The following CFAP99 variants were observed in gnomAD, a reference collection of about 807,000 sequenced individuals.
CFAP99 encodes cilia and flagella associated protein 99.
Under a neutral mutation model 82.7 loss-of-function variants are expected in CFAP99, and 84 were observed. That is an observed-to-expected ratio of 1.02 (90% CI 0.85 to 1.22). The LOEUF is 1.22. Among genes scored for constraint, CFAP99 ranks in the 50% most tolerant of loss-of-function variants. The probability of loss-of-function intolerance (pLI) is 0.00; values close to 1 mark genes in which losing one functional copy is unlikely to be tolerated. For synonymous variants in CFAP99, 456 were observed against 429.5 expected, an observed-to-expected ratio of 1.06 and a Z score of -0.76; for missense variants, 1,059 against 983.5, an observed-to-expected ratio of 1.08 and a Z score of -1.03.
At chr4:2,453,945 C>T (rs1365213266) in intron 11 of CFAP99, among the ~76,000 whole-genome samples, 1 of 151,308 alleles carries the variant, frequency 6.6e-6, no homozygotes, top group Non-Finnish European at 1.5e-5. Flanking sequence ...TCCTGAGTAG[C>T]TGGGACTACA....
intron 6 of CFAP99, among the ~76,000 whole-genome samples, chr4:2,447,066 AGATGGATAGTCGGAAGGATGGGTGGGTG>A (rs1211690634): frequency 6.7e-6 from 1 of 148,724 alleles, no homozygotes; most frequent in Non-Finnish European, 1.5e-5. Flanking sequence ...GTTGATGGAT[AGATGGATAGTCGGAAGGATGGGTGGGTG>A]GATGGATGGA....
At chr4:2,432,836 C>T (rs1004496354) in intron 2 of CFAP99, among the ~76,000 whole-genome samples, 69 of 152,256 alleles carry the variant, frequency 4.5e-4, no homozygotes, top group African/African-American at 1.6e-3. Context: ...GAGGCTGGTT[C>T]CCCATTAGGA....
intron 2 of CFAP99, among the ~76,000 whole-genome samples, chr4:2,431,011 A>G (rs1426764760): frequency 6.6e-6 from 1 of 151,732 alleles, no homozygotes; most frequent in East Asian, 1.9e-4. Context: ...GTTGAAGGCT[A>G]TGATGAGCTA....
chr4:2,454,910 C>T (rs1222764887), intron 11 of CFAP99, among the ~76,000 whole-genome samples: 2 of 151,072 alleles, frequency 1.3e-5, no homozygotes, highest in African/African-American at 4.9e-5. Context: ...GTGTGAGCCA[C>T]CATGCCCGGC....
chr4:2,429,942 G>T (rs1361410442), intron 2 of CFAP99, among the ~76,000 whole-genome samples: 2 of 149,418 alleles, frequency 1.3e-5, no homozygotes, highest in African/African-American at 4.9e-5. Flanking sequence ...ATGGTGCATT[G>T]GATCCTGATC....
chr4:2,449,222 G>T (rs1734244313), intron 6 of CFAP99, among the ~76,000 whole-genome samples: 1 of 151,972 alleles, frequency 6.6e-6, no homozygotes. Flanking sequence ...AGCCGCCCTG[G>T]CCTCTGCAGT....
intron 11 of CFAP99, among the ~76,000 whole-genome samples, chr4:2,458,153 G>A (rs905417874): frequency 1.7e-4 from 26 of 152,366 alleles, no homozygotes; most frequent in Admixed American, 4.6e-4. Flanking sequence ...GAGGGCCGGT[G>A]TGGACGCCTC....
intron 13 of CFAP99, 57 bp downstream of exon 13, chr4:2,459,315 CAT>C: frequency 6.8e-7 from 1 of 1,462,118 alleles, no homozygotes; most frequent in Non-Finnish European, 9.0e-7. Context: ...CTGGCACTGC[CAT>C]GAGAGGCAGT....
intron 14 of CFAP99, among the ~76,000 whole-genome samples, chr4:2,460,572 G>T (rs1354795758): frequency 1.3e-5 from 2 of 152,130 alleles, no homozygotes; most frequent in East Asian, 3.8e-4. Context: ...AGTAGTTGCA[G>T]GAATCAGACA....
intron 4 of CFAP99, among the ~76,000 whole-genome samples, chr4:2,438,425 G>C (rs1331356932): frequency 6.6e-6 from 1 of 152,098 alleles, no homozygotes; most frequent in Admixed American, 6.6e-5. Flanking sequence ...ACCACACCCG[G>C]CTATTTTTTT....
At position 2,462,027 on chromosome 4, in the gene CFAP99, C is replaced by T. The variant is rs772561157; in HGVS notation, c.1662-416C>T. Among the ~76,000 whole-genome samples the T allele has an allele frequency of 2.6e-5, 4 of 151,418 alleles. No homozygotes were observed. The highest frequency in any genetic ancestry group is 5.9e-5 in the Non-Finnish European group (4 of 67,904). The stretch of plus-strand genomic sequence containing the variant: ...AAAAAAGCTGCTAGGCGCCGTGGCT[C>T]ACGCCTGTAATCCCAGCATTTTGGG... On this transcript the variant is annotated intron_variant, in intron 14 of 14. Coordinates refer to ENST00000635017, the Ensembl canonical transcript of CFAP99. This position sits in a 1 kb window ranked among gnomAD's most constrained non-coding sequence, Gnocchi z 4.1.
chr4:2,454,253 G>A (rs962076848), intron 11 of CFAP99, among the ~76,000 whole-genome samples: 4 of 151,964 alleles, frequency 2.6e-5, no homozygotes, highest in Admixed American at 1.3e-4. Flanking sequence ...CACCCACCTC[G>A]GCCTCCCAAA....
At chr4:2,449,133 G>GC (rs2108729511) in intron 6 of CFAP99, among the ~76,000 whole-genome samples, 1 of 152,110 alleles carries the variant, frequency 6.6e-6, no homozygotes, top group African/African-American at 2.4e-5. Context: ...ATCTAGGCCG[G>GC]CCCCCTCCTG....
intron 4 of CFAP99, 63 bp downstream of exon 4, chr4:2,438,227 GCCCACCT>G: frequency 1.1e-6 from 1 of 932,132 alleles, no homozygotes; most frequent in Non-Finnish European, 1.7e-6. Flanking sequence ...TCTGATCCTC[GCCCACCT>G]TTCGTCATTC....
intron 11 of CFAP99, among the ~76,000 whole-genome samples, chr4:2,458,138 G>C (rs1183371363): frequency 6.6e-6 from 1 of 152,214 alleles, no homozygotes; most frequent in Non-Finnish European, 1.5e-5. Flanking sequence ...CTGTGGCTGC[G>C]CGGGGAGGGC....
chr4:2,452,023 G>A (rs1239475367), intron 10 of CFAP99, 119 bp from the exon 11 acceptor site: 2 of 989,382 alleles, frequency 2.0e-6, no homozygotes, highest in Non-Finnish European at 1.5e-6. Flanking sequence ...ACGCAGCTGG[G>A]TGTCAGGAGT....
chr4:2,455,188 C>G (rs76421248), intron 11 of CFAP99, among the ~76,000 whole-genome samples: 2,044 of 152,402 alleles, frequency 0.013, 24 homozygotes, highest in Middle Eastern at 0.034. Flanking sequence ...AAATGCGCCT[C>G]TGCGCCCAGC....
intron 1 of CFAP99, among the ~76,000 whole-genome samples, chr4:2,425,071 G>A (rs1036003998): frequency 6.6e-5 from 10 of 152,054 alleles, no homozygotes; most frequent in East Asian, 1.9e-4. Context: ...TTTACCTTCC[G>A]TCTCCTGTTT....
intron 4 of CFAP99, among the ~76,000 whole-genome samples, chr4:2,439,988 A>T (rs2108722288): frequency 6.7e-6 from 1 of 148,834 alleles, no homozygotes; most frequent in Non-Finnish European, 1.5e-5. Flanking sequence ...GGATTACGGC[A>T]TGTGCCATCA....
Sources: gnomAD v4.1 joint callset for allele counts (sites outside exome capture counted in the v4.1 genomes callset) on GRCh38, gnomAD v4.1.1 for gene constraint, Gnocchi (gnomAD v3.1) non-coding constraint, MANE v1.5 for transcripts, NCBI Gene and HGNC (gene_info 2026-07-23, HGNC 2026-07-21) for gene names.